The following C1QL1 variants were observed in gnomAD, a reference collection of about 807,000 sequenced individuals.
The protein encoded by C1QL1 is C1q-related factor.
C1QL1 carries 15 observed loss-of-function variants against 14.2 expected under a neutral mutation model. That is an observed-to-expected ratio of 1.06 (90% CI 0.71 to 1.62). The LOEUF is 1.62. C1QL1 is among the 40% of genes most tolerant of loss of function. The pLI is 0.00. For missense variants in C1QL1, 346 were observed against 380.3 expected (o/e 0.91, Z 0.75); for synonymous variants, 172 against 172.4 (o/e 1.00, Z 0.02).
Position 44,968,065 on chromosome 17 carries a change from G to T in C1QL1, c.-17C>A. The T allele has an allele frequency of 7.7e-7, 1 of 1,292,502 alleles. No individual in the cohort carries two copies. 80.1% of individuals were successfully genotyped at this position (1,292,502 alleles called of 1,614,324 possible). ...CAGCAGCATCACCACACCCGCGGCG[G>T]CCGCTAGCAGCGTCTTTCGGCCCGC... is the stretch of plus-strand genomic sequence containing the variant. On this transcript the variant is annotated 5_prime_UTR_variant, in exon 1 of 2. Transcript: ENST00000253407.
intron 1 of C1QL1, among the ~76,000 whole-genome samples, chr17:44,963,117 A>G (rs2052636907): frequency 6.6e-6 from 1 of 152,182 alleles, no homozygotes; most frequent in African/African-American, 2.4e-5. Context: ...GGAGCGCTGT[A>G]TAATCAGCTC....
intron 1 of C1QL1, 66 bp from the exon 2 acceptor site, chr17:44,960,433 G>T: frequency 8.7e-7 from 1 of 1,149,368 alleles, no homozygotes; most frequent in Non-Finnish European, 1.3e-6. Flanking sequence ...GGGAGGTGAG[G>T]CAGTCCCGTG....
In C1QL1 at chr17:44,960,307, C is replaced by T. The variant is rs2052620530; in HGVS notation, c.658G>A (p.Val220Met). ...DQNYDYASNSVILHLDAGDEV... is the reference protein window; with the variant it reads ...DQNYDYASNSMILHLDAGDEV... Reference sequence around the variant, plus strand: ...TCGCCGGCGTCCAGGTGCAGGATCACGCTGTTGCTGGCGTAGTCGTAGTTC... The same window carrying T: ...TCGCCGGCGTCCAGGTGCAGGATCATGCTGTTGCTGGCGTAGTCGTAGTTC... Residue 220 changes from valine to methionine, a missense_variant, in exon 2 of 2, where the codon GTG becomes ATG. Physicochemically the swap from Val to Met is conservative, Grantham distance 21. Coordinates refer to ENST00000253407, the MANE Select transcript of C1QL1 (RefSeq NM_006688.5). 6.2e-7 allele frequency: 1 copy of T among 1,614,060 alleles called. No individual in the cohort carries two copies. Among genetic ancestry groups the T allele is most frequent in the Non-Finnish European group, 8.5e-7 (1 of 1,180,044 alleles).
chr17:44,967,705 C>T lies in C1QL1; in HGVS notation c.344G>A (p.Gly115Asp), dbSNP rs142346313. Residue 115 changes from glycine to aspartate, a missense_variant, in exon 1 of 2, where the codon GGC (glycine) becomes GAC (aspartate). Physicochemically the swap from Gly to Asp is moderately conservative, Grantham distance 94. Coordinates refer to ENST00000253407, the MANE Select transcript of C1QL1 (RefSeq NM_006688.5). This position sits in a 1 kb window ranked among gnomAD's most constrained non-coding sequence, Gnocchi z 7.0. ...GGTGGCAGTGCTGATGGCGCCGCTG[C>T]CCCCCGCGCCCGGCAGCCCCGGAGG... is the stretch of plus-strand genomic sequence containing the variant. ...PGPPGLPGAG[G>D]SGAISTATYT... 8 of 1,610,358 alleles carry T rather than the reference C, an allele frequency of 5.0e-6. No individual in the cohort carries two copies. The highest frequency in any genetic ancestry group is 1.7e-4 in the Middle Eastern group (1 of 5,904).
In C1QL1 at chr17:44,960,133, G is replaced by T. The variant is rs1278646766; in HGVS notation, c.*55C>A. 1.9e-6 allele frequency: 3 copies of T among 1,545,072 alleles called. No homozygotes were observed. Among genetic ancestry groups the T allele is most frequent in the African/African-American group, 2.7e-5 (2 of 73,636 alleles). On this transcript the variant is annotated 3_prime_UTR_variant, in exon 2 of 2. Coordinates refer to ENST00000253407, the MANE Select transcript of C1QL1 (RefSeq NM_006688.5). ...CGAGGGGCGAGTCATCGTCTGCCCCGCCCGGAGGGGACCCCGGCGGGTGAG... is the reference window on the plus strand; with the variant it reads ...CGAGGGGCGAGTCATCGTCTGCCCCTCCCGGAGGGGACCCCGGCGGGTGAG...
intron 1 of C1QL1, among the ~76,000 whole-genome samples, chr17:44,964,168 G>C (rs910168410): frequency 6.6e-6 from 1 of 152,168 alleles, no homozygotes; most frequent in Non-Finnish European, 1.5e-5. Context: ...GAACTTGCCC[G>C]GAGAGGAGGC....
intron 1 of C1QL1, among the ~76,000 whole-genome samples, chr17:44,961,712 C>T (rs2052627922): frequency 6.6e-6 from 1 of 150,698 alleles, no homozygotes; most frequent in African/African-American, 2.4e-5. Context: ...AGGTGAAACC[C>T]CGTCTCTACT....
In C1QL1 at chr17:44,967,004, C is replaced by G. The variant is rs2052660593; in HGVS notation, c.597+448G>C. Reference sequence around the variant, plus strand: ...CATTTCCTGCAGCCAGCCTTCTCCGCTCGCGCCCATGGCCACGCGCCTAGG... The same window carrying G: ...CATTTCCTGCAGCCAGCCTTCTCCGGTCGCGCCCATGGCCACGCGCCTAGG... On this transcript the variant is annotated intron_variant, in intron 1 of 1. Transcript: ENST00000253407. This position sits in a 1 kb window ranked among gnomAD's most constrained non-coding sequence, Gnocchi z 7.0. 6.6e-6 allele frequency among the ~76,000 whole-genome samples: 1 copy of G among 152,180 alleles called. No homozygotes were observed. The highest frequency in any genetic ancestry group is 2.4e-5 in the African/African-American group (1 of 41,438).
At chr17:44,963,663 T>C (rs1392893643) in intron 1 of C1QL1, among the ~76,000 whole-genome samples, 1 of 152,164 alleles carries the variant, frequency 6.6e-6, no homozygotes. Context: ...TGACCTCTGG[T>C]GATCCGCCCG....
chr17:44,968,277 G>C lies in C1QL1; in HGVS notation c.-229C>G, dbSNP rs910355632. Among the ~76,000 whole-genome samples, 5 of 149,614 alleles carry C rather than the reference G, an allele frequency of 3.3e-5. No individual in the cohort carries two copies. Among genetic ancestry groups the C allele is most frequent in the Admixed American group, 2.0e-4 (3 of 15,074 alleles). On this transcript the variant is annotated 5_prime_UTR_variant, in exon 1 of 2. Transcript: ENST00000253407. ...GCCCAGCCGCCGGCTCCTGCCTCGCGCCTCCCTCCTGCTGCGCTGCCGGAC... is the reference window on the plus strand; with the variant it reads ...GCCCAGCCGCCGGCTCCTGCCTCGCCCCTCCCTCCTGCTGCGCTGCCGGAC...
intron 1 of C1QL1, among the ~76,000 whole-genome samples, chr17:44,961,910 A>AAAAGAGAGAG (rs1555585742): frequency 4.6e-5 from 6 of 129,682 alleles, no homozygotes; most frequent in Non-Finnish European, 7.8e-5. Flanking sequence ...AAAAAAAAAA[A>AAAAGAGAGAG]AGAGAGAGAG....
chr17:44,965,947 T>G (rs938534608), intron 1 of C1QL1, among the ~76,000 whole-genome samples: 1 of 152,222 alleles, frequency 6.6e-6, no homozygotes, highest in East Asian at 1.9e-4. Flanking sequence ...TGCTGGATAC[T>G]GGGGCCTCCC....
chr17:44,961,965 A>T (rs2145779691), intron 1 of C1QL1, among the ~76,000 whole-genome samples: 1 of 151,994 alleles, frequency 6.6e-6, no homozygotes, highest in East Asian at 1.9e-4. Flanking sequence ...TGATCTACAG[A>T]CATTCAGCTA....
In C1QL1 at chr17:44,967,871, G is replaced by A; in HGVS notation, c.178C>T (p.Pro60Ser). Residue 60 changes from proline to serine, a missense_variant, in exon 1 of 2, where the codon CCG (proline) becomes TCG (serine). Pro to Ser is a moderately conservative substitution (Grantham distance 74). Coordinates refer to ENST00000253407, the MANE Select transcript of C1QL1 (RefSeq NM_006688.5). This position sits in a 1 kb window ranked among gnomAD's most constrained non-coding sequence, Gnocchi z 7.0. ...DALSEQSGAP[P>S]PSTLVQGPQG... is the part of the protein sequence containing the mutation. ...GGGCCCTGCACCAGCGTGGAAGGCG[G>A]GGGCGCGCCGCTCTGCTCGCTCAGG... is the stretch of plus-strand genomic sequence containing the variant. 1 of 1,312,066 alleles carries A rather than the reference G, an allele frequency of 7.6e-7. No homozygotes were observed. The highest frequency in any genetic ancestry group is 9.6e-7 in the Non-Finnish European group (1 of 1,040,742). The allele number at this position is 1,312,066 out of a possible 1,614,324, so 81.3% of individuals were successfully genotyped here.
chr17:44,962,409 T>A (rs1298586340), intron 1 of C1QL1, among the ~76,000 whole-genome samples: 1 of 152,186 alleles, frequency 6.6e-6, no homozygotes, highest in African/African-American at 2.4e-5. Flanking sequence ...AAACTCTTTG[T>A]GTGCTTAGCT....
chr17:44,966,835 G>A (rs1449645484), intron 1 of C1QL1, among the ~76,000 whole-genome samples: 1 of 148,364 alleles, frequency 6.7e-6, no homozygotes. Flanking sequence ...TTTTGGGGAA[G>A]CTCTGCTACA....
rs778627891 is a variant in C1QL1 at position 44,960,345 on chromosome 17, T to G, written c.620A>C (p.Gln207Pro). Residue 207 changes from glutamine (Q) to proline (P), a missense_variant, in exon 2 of 2, where the codon CAG (glutamine) becomes CCG (proline). Transcript: ENST00000253407. The stretch of plus-strand genomic sequence containing the variant: ...GTAGTCGTAGTTCTGGTCCGCGTCC[T>G]GGGCAATAGCACTGGCCCGCACCTG... ...NGQVRASAIA[Q>P]DADQNYDYAS... 3.1e-6 allele frequency: 5 copies of G among 1,613,742 alleles called. No homozygotes were observed. Among genetic ancestry groups the G allele is most frequent in the Non-Finnish European group, 4.2e-6 (5 of 1,179,950 alleles).
chr17:44,963,844 C>T (rs1291077211), intron 1 of C1QL1, among the ~76,000 whole-genome samples: 2 of 152,222 alleles, frequency 1.3e-5, no homozygotes, highest in Admixed American at 1.3e-4. Flanking sequence ...CAGCCTCCTA[C>T]CCTGGATAAG....
intron 1 of C1QL1, among the ~76,000 whole-genome samples, chr17:44,962,953 A>G (rs573028897): frequency 6.6e-6 from 1 of 152,238 alleles, no homozygotes; most frequent in Admixed American, 6.5e-5. Flanking sequence ...CCATCCTTAG[A>G]TGGTGGGGGA....
Sources: allele counts gnomAD v4.1 joint callset (sites outside exome capture counted in the v4.1 genomes callset), GRCh38; gene constraint gnomAD v4.1.1; non-coding constraint Gnocchi (gnomAD v3.1); transcripts MANE v1.5; gene names NCBI Gene and HGNC (gene_info 2026-07-23, HGNC 2026-07-21).